The following NRCAM variants were observed in gnomAD, a reference collection of about 807,000 sequenced individuals.
The protein encoded by NRCAM is neuronal cell adhesion molecule.
In NRCAM, 83 loss-of-function variants were observed where a neutral mutation model predicts 156.5. That is an observed-to-expected ratio of 0.53 (90% CI 0.44 to 0.64). NRCAM has a LOEUF of 0.64. Among genes scored for constraint, NRCAM ranks in the 30% least tolerant of loss-of-function variants. The pLI is 0.00. For missense variants in NRCAM, 1,417 were observed against 1,597.3 expected (o/e 0.89, Z 1.92); for synonymous variants, 538 against 563.9 (o/e 0.95, Z 0.65).
intron 3 of NRCAM, among the ~76,000 whole-genome samples, chr7:108,266,076 ATGTAT>A (rs2097093053): frequency 6.6e-6 from 1 of 152,076 alleles, no homozygotes; most frequent in African/African-American, 2.4e-5. Flanking sequence ...CATAGTATTA[ATGTAT>A]TGTATGTGTT....
At chr7:108,168,229 A>G (rs2056078542) in intron 29 of NRCAM, 48 bp downstream of exon 29, 1 of 1,464,056 alleles carries the variant, frequency 6.8e-7, no homozygotes, top group Non-Finnish European at 9.1e-7. Flanking sequence ...AATCTTTTAA[A>G]AAATGCATCC....
At position 108,180,286 on chromosome 7, in the gene NRCAM, C is replaced by T. The variant is rs1480606027; in HGVS notation, c.2788G>A (p.Val930Met). Reference protein sequence around the residue: ...PFSHYTLNVRVVNGKGEGPAS... With the variant: ...PFSHYTLNVRMVNGKGEGPAS... Reference sequence around the variant, plus strand: ...GGGCCCTCCCCTTTCCCATTGACCACTCGGACATTCAGTGTGTAGTGGCTA... The same window carrying T: ...GGGCCCTCCCCTTTCCCATTGACCATTCGGACATTCAGTGTGTAGTGGCTA... The change falls in exon 25 of 33, where the codon GTG becomes ATG. Residue 930 changes from valine to methionine, a missense_variant. Physicochemically the swap from Val to Met is conservative, Grantham distance 21. Transcript: ENST00000379028. 15 of 1,614,212 alleles carry T rather than the reference C, an allele frequency of 9.3e-6. No homozygotes were observed. The highest frequency in any genetic ancestry group is 1.3e-5 in the Non-Finnish European group (15 of 1,180,030).
chr7:108,247,877 T>C (rs764798942), intron 3 of NRCAM, among the ~76,000 whole-genome samples: 1 of 152,226 alleles, frequency 6.6e-6, no homozygotes, highest in African/African-American at 2.4e-5. Flanking sequence ...ACCACAGGGA[T>C]AGGCCTCTTC....
At chr7:108,428,670 A>G (rs1284846599) in intron 1 of NRCAM, among the ~76,000 whole-genome samples, 2 of 152,218 alleles carry the variant, frequency 1.3e-5, no homozygotes, top group African/African-American at 4.8e-5. Context: ...TTTTACAGAA[A>G]TTGTCCTTGG....
chr7:108,167,692 G>C (rs905353540), intron 29 of NRCAM, among the ~76,000 whole-genome samples: 3 of 152,156 alleles, frequency 2.0e-5, no homozygotes, highest in Admixed American at 2.0e-4. Flanking sequence ...ACTTAGGAGG[G>C]GGGTACTGGC....
At chr7:108,181,195 GAAA>G in intron 24 of NRCAM, among the ~76,000 whole-genome samples, 1 of 148,760 alleles carries the variant, frequency 6.7e-6, no homozygotes, top group South Asian at 2.1e-4. Flanking sequence ...ATGCTAGGGG[GAAA>G]AAAAAAAAGT....
At chr7:108,447,855 C>T (rs1411040639) in intron 1 of NRCAM, among the ~76,000 whole-genome samples, 1 of 152,140 alleles carries the variant, frequency 6.6e-6, no homozygotes, top group East Asian at 1.9e-4. Flanking sequence ...TAGAATATTT[C>T]GTATTGAGTG....
At chr7:108,439,038 T>A (rs186120677) in intron 1 of NRCAM, among the ~76,000 whole-genome samples, 2 of 152,154 alleles carry the variant, frequency 1.3e-5, no homozygotes, top group African/African-American at 4.8e-5. Flanking sequence ...TAGCAATTCT[T>A]CCCAAGTTCA....
At chr7:108,186,847 T>C (rs1057269872) in intron 20 of NRCAM, among the ~76,000 whole-genome samples, 4 of 152,202 alleles carry the variant, frequency 2.6e-5, no homozygotes, top group Non-Finnish European at 5.9e-5. Context: ...CATTTCCTAT[T>C]CCCCACTGAT....
intron 1 of NRCAM, among the ~76,000 whole-genome samples, chr7:108,418,665 G>A (rs1805023607): frequency 6.6e-6 from 1 of 151,652 alleles, no homozygotes; most frequent in Non-Finnish European, 1.5e-5. Flanking sequence ...TATTGAGCAC[G>A]TAAGCACTTA....
In NRCAM at chr7:108,306,056, T is replaced by G. The variant is rs1369815190; in HGVS notation, c.-107+6609A>C. ...TATAAACAACCATTTAAAATAATAG[T>G]GAATTTTGGGGTTAATTATTATTAC... On this transcript the variant is annotated intron_variant, in intron 3 of 32. Transcript: ENST00000379028. 3.9e-5 allele frequency among the ~76,000 whole-genome samples: 6 copies of G among 152,328 alleles called. No individual in the cohort carries two copies. In the East Asian group the frequency reaches 1.2e-3, roughly 29 times the overall value.
At chr7:108,418,566 C>CAT (rs1306239238) in intron 1 of NRCAM, among the ~76,000 whole-genome samples, 2 of 78,686 alleles carry the variant, frequency 2.5e-5, no homozygotes, top group East Asian at 2.4e-4. Flanking sequence ...ATTATACACA[C>CAT]ACACACACAC....
intron 3 of NRCAM, among the ~76,000 whole-genome samples, chr7:108,243,962 G>A (rs527638203): frequency 5.7e-4 from 86 of 152,168 alleles, no homozygotes; most frequent in African/African-American, 1.4e-3. Flanking sequence ...ATATTCCCCT[G>A]CATTACTTAC....
At chr7:108,339,361 A>T (rs1016685707) in intron 2 of NRCAM, among the ~76,000 whole-genome samples, 1 of 152,238 alleles carries the variant, frequency 6.6e-6, no homozygotes, top group East Asian at 1.9e-4. Flanking sequence ...GTTTGCACTC[A>T]GCCAAGCCTT....
At chr7:108,397,432 A>G (rs1211764676) in intron 2 of NRCAM, among the ~76,000 whole-genome samples, 2 of 152,178 alleles carry the variant, frequency 1.3e-5, no homozygotes, top group African/African-American at 2.4e-5. Flanking sequence ...TACCCCAGAC[A>G]TTCCCTCAAA....
chr7:108,326,232 A>G (rs2099067170), intron 2 of NRCAM, among the ~76,000 whole-genome samples: 1 of 152,228 alleles, frequency 6.6e-6, no homozygotes, highest in African/African-American at 2.4e-5. Context: ...TCAAAAAATC[A>G]TATGTAACAG....
chr7:108,278,866 A>G (rs562071120), intron 3 of NRCAM, among the ~76,000 whole-genome samples: 17 of 151,980 alleles, frequency 1.1e-4, no homozygotes, highest in African/African-American at 3.9e-4. Flanking sequence ...GGAGCTGTAG[A>G]CCAGATCTGT....
chr7:108,218,240 G>A (rs940265156), intron 11 of NRCAM, among the ~76,000 whole-genome samples: 11 of 150,856 alleles, frequency 7.3e-5, no homozygotes, highest in South Asian at 2.1e-4. Context: ...ACCCTGCTTC[G>A]GCTCGCCCTC....
At chr7:108,332,512 T>C (rs562962647) in intron 2 of NRCAM, among the ~76,000 whole-genome samples, 5 of 152,132 alleles carry the variant, frequency 3.3e-5, no homozygotes, top group Non-Finnish European at 7.4e-5. Flanking sequence ...ATGTCCCTCC[T>C]TGTATAGAGT....
Sources: allele counts gnomAD v4.1 joint callset (sites outside exome capture counted in the v4.1 genomes callset), GRCh38; gene constraint gnomAD v4.1.1; transcripts MANE v1.5; gene names NCBI Gene and HGNC (gene_info 2026-07-23, HGNC 2026-07-21).